The following CCDC178 variants were observed in gnomAD, a reference collection of about 807,000 sequenced individuals.
The protein encoded by CCDC178 is coiled-coil domain-containing protein 178.
In CCDC178, 126 loss-of-function variants were observed where a neutral mutation model predicts 117.4. The observed-to-expected ratio is 1.07, with a 90% CI of 0.93 to 1.24. The LOEUF (loss-of-function observed/expected upper bound fraction) is 1.24, where lower values mean the gene tolerates loss of function less well. Ranked by LOEUF, CCDC178 falls within the 50% of genes most tolerant of loss-of-function variation. The pLI is 0.00. For missense variants in CCDC178, 1,030 were observed against 986.9 expected, an observed-to-expected ratio of 1.04 and a Z score of -0.59; for synonymous variants, 283 against 313.4, an observed-to-expected ratio of 0.90 and a Z score of 1.02.
chr18:33,019,302 G>T (rs1307972885), intron 21 of CCDC178, among the ~76,000 whole-genome samples: 1 of 152,160 alleles, frequency 6.6e-6, no homozygotes, highest in East Asian at 1.9e-4. Context: ...TGTAGCAAGT[G>T]AATTGATAAA....
chr18:33,087,033 G>GAC (rs35149990), intron 21 of CCDC178, among the ~76,000 whole-genome samples: 5,551 of 133,394 alleles, frequency 0.042, 131 homozygotes, highest in East Asian at 0.12. Flanking sequence ...GCCATTGGTT[G>GAC]ACACACACAC....
intron 5 of CCDC178, among the ~76,000 whole-genome samples, chr18:33,371,198 C>T (rs970607380): frequency 6.6e-6 from 1 of 151,844 alleles, no homozygotes; most frequent in African/African-American, 2.4e-5. Flanking sequence ...AACACAATCT[C>T]TTGTAAAAAT....
chr18:33,133,219 AT>A (rs2058087042), intron 20 of CCDC178, among the ~76,000 whole-genome samples: 1 of 151,862 alleles, frequency 6.6e-6, no homozygotes, highest in South Asian at 2.1e-4. Context: ...GAAATGCTCA[AT>A]AAGCAGAAAA....
chr18:33,057,198 G>C (rs1161277114), intron 21 of CCDC178, among the ~76,000 whole-genome samples: 2 of 152,096 alleles, frequency 1.3e-5, no homozygotes, highest in African/African-American at 2.4e-5. Context: ...ATTGAACATA[G>C]CAAGACTTTA....
intron 2 of CCDC178, among the ~76,000 whole-genome samples, chr18:33,424,297 A>G (rs1365930212): frequency 6.6e-6 from 1 of 152,218 alleles, no homozygotes; most frequent in African/African-American, 2.4e-5. Context: ...AATCTATAGA[A>G]TATTTGAAAA....
intron 20 of CCDC178, among the ~76,000 whole-genome samples, chr18:33,125,955 C>T (rs1006705436): frequency 1.3e-5 from 2 of 152,198 alleles, no homozygotes; most frequent in Non-Finnish European, 2.9e-5. Flanking sequence ...GTTTAGATTC[C>T]AGGCTCTTGG....
rs370514158 is a variant in CCDC178, at chr18:33,044,026, T to C, written c.2388+48735A>G. On this transcript the variant is annotated intron_variant, in intron 21 of 22. Transcript: ENST00000383096. ...AGATTGATGTGTTGTTAACAATATA[T>C]ATACACACACACACCAGCATATGTG... is the stretch of plus-strand genomic sequence containing the variant. Among the ~76,000 whole-genome samples, 10 of 143,070 alleles carry C rather than the reference T, an allele frequency of 7.0e-5. 1 individual carries two copies. The highest frequency in any genetic ancestry group is 2.8e-4 in the African/African-American group (10 of 35,512). The allele number at this position is 143,070 out of a possible 152,430, so 93.9% of individuals were successfully genotyped here.
chr18:33,142,660 G>T (rs2058221065), intron 20 of CCDC178, among the ~76,000 whole-genome samples: 1 of 152,082 alleles, frequency 6.6e-6, no homozygotes, highest in East Asian at 1.9e-4. Flanking sequence ...AATATTAACA[G>T]AATTCAAGCA....
At chr18:33,278,165 C>CT (rs983291894) in intron 12 of CCDC178, among the ~76,000 whole-genome samples, 1 of 150,648 alleles carries the variant, frequency 6.6e-6, no homozygotes, top group East Asian at 1.9e-4. Context: ...GAAATGTCTT[C>CT]TTTTTTTTGG....
At chr18:33,207,138 T>TA (rs1165839899) in intron 20 of CCDC178, among the ~76,000 whole-genome samples, 1 of 152,138 alleles carries the variant, frequency 6.6e-6, no homozygotes, top group African/African-American at 2.4e-5. Context: ...ATCTTGATAG[T>TA]ATCGTGAGAG....
At chr18:33,256,533 C>T (rs1282453004) in intron 14 of CCDC178, among the ~76,000 whole-genome samples, 5 of 152,010 alleles carry the variant, frequency 3.3e-5, no homozygotes, top group Admixed American at 6.6e-5. Flanking sequence ...GAGTAAACTA[C>T]GGTTTAAATA....
At chr18:33,356,066 T>C (rs2063052384) in intron 7 of CCDC178, among the ~76,000 whole-genome samples, 3 of 152,220 alleles carry the variant, frequency 2.0e-5, no homozygotes, top group Admixed American at 2.0e-4. Flanking sequence ...TCCAGATTTC[T>C]GTAAAAGTCG....
chr18:32,983,222 G>C (rs961613630), intron 21 of CCDC178: 39 of 956,680 alleles, frequency 4.1e-5, no homozygotes, highest in Non-Finnish European at 2.6e-5. Context: ...ACACTTGTTA[G>C]AGGTTACAGT....
At chr18:33,242,783 G>C (rs2059503776) in intron 15 of CCDC178, among the ~76,000 whole-genome samples, 2 of 151,778 alleles carry the variant, frequency 1.3e-5, no homozygotes, top group African/African-American at 4.8e-5. Flanking sequence ...GTGGAAAAAA[G>C]AGAATTCATA....
At chr18:33,410,868 T>C (rs1408373095) in intron 3 of CCDC178, among the ~76,000 whole-genome samples, 2 of 152,100 alleles carry the variant, frequency 1.3e-5, no homozygotes, top group Non-Finnish European at 2.9e-5. Flanking sequence ...TGTGCTTCTG[T>C]CCCTCCTCTT....
intron 11 of CCDC178, among the ~76,000 whole-genome samples, chr18:33,306,451 C>CATATGGTTATATATAT (rs2062251451): frequency 1.4e-4 from 6 of 42,596 alleles, no homozygotes; most frequent in African/African-American, 4.7e-4. Flanking sequence ...TGTGTGTGTA[C>CATATGGTTATATATAT]ATATGGTTAT....
intron 20 of CCDC178, among the ~76,000 whole-genome samples, chr18:33,137,989 CA>C (rs939026734): frequency 3.3e-5 from 5 of 152,134 alleles, no homozygotes; most frequent in Non-Finnish European, 5.9e-5. Flanking sequence ...ATTTTTTATG[CA>C]AGTCGCTTAA....
intron 3 of CCDC178, among the ~76,000 whole-genome samples, chr18:33,397,763 A>G (rs1156843263): frequency 6.6e-6 from 1 of 152,154 alleles, no homozygotes; most frequent in African/African-American, 2.4e-5. Context: ...ATACAGCATG[A>G]TTTTTATAAA....
At chr18:33,349,561 G>GT (rs1033962150) in intron 7 of CCDC178, among the ~76,000 whole-genome samples, 17 of 151,908 alleles carry the variant, frequency 1.1e-4, no homozygotes, top group African/African-American at 3.9e-4. Flanking sequence ...CTAAAATTCT[G>GT]TATGTTGAAT....
Sources: gnomAD v4.1 joint callset for allele counts (sites outside exome capture counted in the v4.1 genomes callset) on GRCh38, gnomAD v4.1.1 for gene constraint, MANE v1.5 for transcripts, NCBI Gene and HGNC (gene_info 2026-07-23, HGNC 2026-07-21) for gene names.